Variants in TULP4 observed in about 807,000 individuals in gnomAD.
TULP4 encodes the protein TUB like protein 4.
A neutral mutation model predicts 129.0 loss-of-function variants in TULP4; 16 were observed. That is an observed-to-expected ratio of 0.12 (90% confidence interval 0.08 to 0.19). The LOEUF (loss-of-function observed/expected upper bound fraction) is 0.19. TULP4 is among the 10% of genes least tolerant of loss of function. The probability of loss-of-function intolerance (pLI) is 1.00; values close to 1 mark genes in which losing one functional copy is unlikely to be tolerated. For synonymous variants in TULP4, 998 were observed against 854.0 expected, an observed-to-expected ratio of 1.17 and a Z score of -2.94; for missense variants, 1,842 against 2,059.1, an observed-to-expected ratio of 0.89 and a Z score of 2.04.
intron 9 of TULP4, among the ~76,000 whole-genome samples, chr6:158,491,057 G>T (rs1473855393): frequency 1.1e-4 from 16 of 152,158 alleles, no homozygotes; most frequent in African/African-American, 3.6e-4. Context: ...GAGTTGCATG[G>T]TCATGGGTCA....
intron 1 of TULP4, among the ~76,000 whole-genome samples, chr6:158,388,033 C>G (rs1456596631): frequency 6.6e-6 from 1 of 152,122 alleles, no homozygotes; most frequent in Non-Finnish European, 1.5e-5. Flanking sequence ...GACAGTAGAA[C>G]AGCTAATCAG....
intron 9 of TULP4, among the ~76,000 whole-genome samples, chr6:158,490,020 A>G (rs563553279): frequency 1.1e-4 from 16 of 152,310 alleles, no homozygotes; most frequent in African/African-American, 3.8e-4. Context: ...CCGGGCTTAT[A>G]TGTTTTTTCT....
Position 158,503,416 on chromosome 6 carries a change from T to C in TULP4, c.3753T>C (p.Ser1251=). The C allele has an allele frequency of 1.2e-6, 2 of 1,613,964 alleles. No homozygotes were observed. The highest frequency in any genetic ancestry group is 1.1e-5 in the South Asian group (1 of 91,084). The change falls in exon 13 of 14, where the codon TCT becomes TCC. Residue 1251 remains serine, a synonymous_variant. Transcript: ENST00000367097. The surrounding 1 kb of genome is among the most constrained non-coding windows in gnomAD (Gnocchi z 4.3). ...PPMYPGSSTC[S]SLQLPPVALH... ...TGTACCCAGGAAGCAGCACGTGCTCTAGTTTACAGCTGCCACCTGTCGCCT... is the reference window on the plus strand; with the variant it reads ...TGTACCCAGGAAGCAGCACGTGCTCCAGTTTACAGCTGCCACCTGTCGCCT...
rs1276886920 is a variant in TULP4, at chr6:158,366,019, C to T, written c.253-47046C>T. ...CCAGGTTCATGCCATTCTCCTGCCT[C>T]AGCCTCCCTAGTAGCTGGGACTACA... is the stretch of plus-strand genomic sequence containing the variant. On this transcript the variant is annotated intron_variant, in intron 1 of 13. Transcript: ENST00000367097. Among the ~76,000 whole-genome samples, 6 of 149,758 alleles carry T rather than the reference C, an allele frequency of 4.0e-5. No homozygotes were observed. In the East Asian group the frequency reaches 1.0e-3, roughly 25 times the overall value.
At chr6:158,323,776 T>C (rs1779688038) in intron 1 of TULP4, among the ~76,000 whole-genome samples, 2 of 152,222 alleles carry the variant, frequency 1.3e-5, no homozygotes, top group African/African-American at 2.4e-5. Context: ...TTAAGAGATA[T>C]GAATTGCAAA....
chr6:158,345,112 TGC>T (rs753480163), intron 1 of TULP4, among the ~76,000 whole-genome samples: 2 of 152,210 alleles, frequency 1.3e-5, no homozygotes, highest in East Asian at 1.9e-4. Context: ...GTGAGGAAAC[TGC>T]AGAAGAAAAG....
At chr6:158,242,072 T>G (rs1777932022) in intron 1 of TULP4, 5 of 802,846 alleles carry the variant, frequency 6.2e-6, no homozygotes, top group South Asian at 1.3e-5. Context: ...AGTAGTAGTA[T>G]TTGATTGTAA....
At chr6:158,248,667 G>T (rs1006425697) in intron 1 of TULP4, among the ~76,000 whole-genome samples, 1 of 152,064 alleles carries the variant, frequency 6.6e-6, no homozygotes, top group African/African-American at 2.4e-5. Flanking sequence ...CTTGAGCCTG[G>T]GGAGGTTGAG....
chr6:158,240,750 AC>A (rs550653933), intron 1 of TULP4, among the ~76,000 whole-genome samples: 2 of 107,394 alleles, frequency 1.9e-5, no homozygotes, highest in African/African-American at 3.4e-5. Flanking sequence ...CGGGGGGCTG[AC>A]CCCCCCACCT....
In TULP4 at chr6:158,511,130, G is replaced by A. The variant is rs1780731019; in HGVS notation, c.*4436G>A. The A allele has an allele frequency of 6.6e-6, 1 of 152,512 alleles. No individual in the cohort carries two copies. The highest frequency in any genetic ancestry group is 1.5e-5 in the Non-Finnish European group (1 of 68,018). The allele number at this position is 152,512 out of a possible 1,614,324, so 9.4% of individuals were successfully genotyped here. A position where few individuals can be genotyped will look rare whatever the true frequency, so the allele number is the denominator to read the frequency against. On this transcript the variant is annotated 3_prime_UTR_variant, in exon 14 of 14. Coordinates refer to ENST00000367097, the MANE Select transcript of TULP4 (RefSeq NM_020245.5). ...TTTTCTTTGGCTTTGTGCAATTTTT[G>A]TGTAACTTTACTTGTACCTATATTT...
intron 1 of TULP4, among the ~76,000 whole-genome samples, chr6:158,303,648 G>C (rs555537368): frequency 2.6e-5 from 4 of 152,326 alleles, no homozygotes; most frequent in African/African-American, 9.6e-5. Flanking sequence ...TGTAAACCCT[G>C]CTGCTGTGAA....
chr6:158,399,634 C>T (rs759613771), intron 1 of TULP4, among the ~76,000 whole-genome samples: 2 of 152,200 alleles, frequency 1.3e-5, no homozygotes, highest in Non-Finnish European at 2.9e-5. Context: ...TCAGGCACTT[C>T]ATATATGTGT....
At chr6:158,388,986 T>G (rs757201860) in intron 1 of TULP4, among the ~76,000 whole-genome samples, 1 of 152,212 alleles carries the variant, frequency 6.6e-6, no homozygotes. Context: ...TTCATTTCTC[T>G]CTGATTCCTT....
chr6:158,502,513 C>T lies in TULP4; in HGVS notation c.2850C>T (p.Arg950=), dbSNP rs757399816. 6.8e-6 allele frequency: 11 copies of T among 1,612,404 alleles called. No homozygotes were observed. The highest frequency in any genetic ancestry group is 9.3e-6 in the Non-Finnish European group (11 of 1,179,954). ...SATLNRLTVP[R]YSIPTGDPPP... ...CCCTGAACCGCCTGACCGTCCCTCGCTACTCCATCCCCACCGGGGACCCAC... is the reference window on the plus strand; with the variant it reads ...CCCTGAACCGCCTGACCGTCCCTCGTTACTCCATCCCCACCGGGGACCCAC... The change falls in exon 13 of 14, where the codon CGC becomes CGT. Residue 950 remains arginine (R), a synonymous_variant. Transcript: ENST00000367097.
At chr6:158,287,404 C>T (rs1417813337) in intron 1 of TULP4, among the ~76,000 whole-genome samples, 2 of 152,060 alleles carry the variant, frequency 1.3e-5, no homozygotes, top group Non-Finnish European at 2.9e-5. Flanking sequence ...GTTTTAACAC[C>T]GTATACAAAT....
rs555650070 is a variant in TULP4, at chr6:158,483,838, G to A, written c.1486+2549G>A. ...AGGTGGTTTTTATGCACTAAAGTTT[G>A]TGATCCACTGTCAAGTGACTTGGCA... On this transcript the variant is annotated intron_variant, in intron 8 of 13. Coordinates refer to ENST00000367097, the MANE Select transcript of TULP4 (RefSeq NM_020245.5). 2.6e-5 allele frequency among the ~76,000 whole-genome samples: 4 copies of A among 152,132 alleles called. No homozygotes were observed. The South Asian group carries it at 8.3e-4, about 32-fold the overall frequency.
At chr6:158,268,248 A>G (rs777940096) in intron 1 of TULP4, among the ~76,000 whole-genome samples, 1 of 151,826 alleles carries the variant, frequency 6.6e-6, no homozygotes, top group African/African-American at 2.4e-5. Flanking sequence ...CATGTTGGTC[A>G]GGCTGGTCTT....
intron 1 of TULP4, among the ~76,000 whole-genome samples, chr6:158,291,724 C>G (rs1435118993): frequency 1.3e-5 from 2 of 151,990 alleles, no homozygotes; most frequent in East Asian, 3.8e-4. Context: ...ATTTCTATCT[C>G]CTTGTGTCTC....
intron 8 of TULP4, among the ~76,000 whole-genome samples, chr6:158,482,887 C>T (rs1779979140): frequency 6.6e-6 from 1 of 152,214 alleles, no homozygotes; most frequent in Non-Finnish European, 1.5e-5. Flanking sequence ...TTGAATCTGA[C>T]CCGACTACGC....
Sources: allele counts gnomAD v4.1 joint callset (sites outside exome capture counted in the v4.1 genomes callset), GRCh38; gene constraint gnomAD v4.1.1; non-coding constraint Gnocchi (gnomAD v3.1); transcripts MANE v1.5; gene names NCBI Gene and HGNC (gene_info 2026-07-23, HGNC 2026-07-21).